GRB10: variants seen among roughly 807,000 people sequenced by gnomAD.
GRB10 encodes the protein growth factor receptor bound protein 10, also known as growth factor receptor-bound protein 10.
A neutral mutation model predicts 80.9 loss-of-function variants in GRB10; 20 were observed. The observed-to-expected ratio is 0.25, with a 90% confidence interval of 0.17 to 0.36. The LOEUF (loss-of-function observed/expected upper bound fraction) is 0.36. GRB10 is among the 10% of genes least tolerant of loss of function. The pLI, the probability that GRB10 is intolerant of heterozygous loss-of-function variation, is 1.00. For synonymous variants in GRB10, 291 were observed against 291.5 expected, an observed-to-expected ratio of 1.00 and a Z score of 0.02; for missense variants, 548 against 747.7, an observed-to-expected ratio of 0.73 and a Z score of 3.12.
intron 2 of GRB10, among the ~76,000 whole-genome samples, chr7:50,763,546 G>A (rs1026376716): frequency 3.3e-5 from 5 of 152,246 alleles, no homozygotes; most frequent in Non-Finnish European, 4.4e-5. Context: ...GCATACACAC[G>A]CGTGCATACA....
In GRB10 at chr7:50,790,932, C is replaced by T. The variant is rs73338620; in HGVS notation, c.-294+2292G>A. Among the ~76,000 whole-genome samples, 411 of 152,338 alleles carry T rather than the reference C, an allele frequency of 2.7e-3. 7 individuals carry two copies. The highest frequency in any genetic ancestry group is 9.5e-3 in the African/African-American group (395 of 41,580). The stretch of plus-strand genomic sequence containing the variant: ...CTAACTCTTCGAGTCTGACTCTGCT[C>T]TCTTCTCCTACTGGAGGCTGAGTAG... On this transcript the variant is annotated intron_variant, in intron 1 of 16. Transcript: ENST00000335866.
intron 7 of GRB10, among the ~76,000 whole-genome samples, chr7:50,642,188 C>A (rs907556753): frequency 3.3e-5 from 5 of 152,070 alleles, no homozygotes; most frequent in African/African-American, 1.2e-4. Flanking sequence ...AACTGCAGAG[C>A]ATGCAGCCAG....
chr7:50,723,109 C>CAA (rs1177514653), intron 4 of GRB10, among the ~76,000 whole-genome samples: 1 of 152,030 alleles, frequency 6.6e-6, no homozygotes, highest in Non-Finnish European at 1.5e-5. Flanking sequence ...TCTGAAGGGA[C>CAA]AAGTAAAGCA....
rs1370152123 is a variant in GRB10, at chr7:50,706,311, G to A, written c.52-2403C>T. ...TCTAGACTACTCTAGTAGACACTCT[G>A]TAGTTGTTTTCAACTTTCAGACAGC... On this transcript the variant is annotated intron_variant, in intron 4 of 18. Coordinates refer to ENST00000401949, the MANE Select transcript of GRB10 (RefSeq NM_001350814.2). Among the ~76,000 whole-genome samples the A allele has an allele frequency of 2.0e-5, 3 of 152,192 alleles. No individual in the cohort carries two copies. The East Asian group carries it at 5.8e-4, about 29-fold the overall frequency.
intron 4 of GRB10, among the ~76,000 whole-genome samples, chr7:50,722,809 C>T (rs2067976251): frequency 6.6e-6 from 1 of 152,096 alleles, no homozygotes; most frequent in Admixed American, 6.5e-5. Flanking sequence ...TCAGAAGCTG[C>T]CCTCAATGTC....
intron 9 of GRB10, among the ~76,000 whole-genome samples, chr7:50,618,433 C>CA: frequency 6.6e-6 from 1 of 152,336 alleles, no homozygotes; most frequent in South Asian, 2.1e-4. Flanking sequence ...CGTCCCAGCC[C>CA]AGTGGCACAA....
chr7:50,748,568 C>G (rs562700020), intron 3 of GRB10, among the ~76,000 whole-genome samples: 37 of 152,334 alleles, frequency 2.4e-4, no homozygotes, highest in African/African-American at 8.9e-4. Context: ...CTTTGTGGAA[C>G]ATTTATAATG....
intron 7 of GRB10, among the ~76,000 whole-genome samples, chr7:50,663,585 C>T (rs1169421522): frequency 6.6e-6 from 1 of 152,194 alleles, no homozygotes; most frequent in Non-Finnish European, 1.5e-5. Flanking sequence ...GCCAGCCACT[C>T]AGGAAAGGTC....
At position 50,592,632 on chromosome 7, in the gene GRB10, C is replaced by T. The variant is rs2045955606; in HGVS notation, c.*320G>A. ...TTATTCCAGGGCAAGAGTTCATTTC[C>T]AATCACTTCTCTCCGGTTCTTGTTC... is the stretch of plus-strand genomic sequence containing the variant. On this transcript the variant is annotated 3_prime_UTR_variant, in exon 19 of 19. Transcript: ENST00000401949. 2 of 408,992 alleles carry T rather than the reference C, an allele frequency of 4.9e-6. No homozygotes were observed. Among genetic ancestry groups the T allele is most frequent in the Non-Finnish European group, 9.1e-6 (2 of 220,470 alleles). The allele number at this position is 408,992 out of a possible 1,614,324, so 25.3% of individuals were successfully genotyped here. A position where few individuals can be genotyped will look rare whatever the true frequency, so the allele number is the denominator to read the frequency against.
At chr7:50,715,285 G>C (rs567516114) in intron 4 of GRB10, among the ~76,000 whole-genome samples, 9 of 151,800 alleles carry the variant, frequency 5.9e-5, no homozygotes, top group African/African-American at 2.2e-4. Context: ...GGCTGGGCTG[G>C]CAGGGCAAGA....
intron 18 of GRB10, among the ~76,000 whole-genome samples, chr7:50,595,063 C>T (rs560527587): frequency 6.6e-6 from 1 of 152,214 alleles, no homozygotes; most frequent in Non-Finnish European, 1.5e-5. Context: ...GCTAATTCTC[C>T]TCCACCTCCC....
At chr7:50,686,478 AT>A (rs2062115691) in intron 5 of GRB10, among the ~76,000 whole-genome samples, 1 of 152,202 alleles carries the variant, frequency 6.6e-6, no homozygotes, top group Admixed American at 6.5e-5. Flanking sequence ...TAAGATAATT[AT>A]TTTTGAGGTG....
chr7:50,783,077 G>A (rs557947653), upstream of GRB10, among the ~76,000 whole-genome samples: 47 of 152,336 alleles, frequency 3.1e-4, 1 homozygote, highest in Admixed American at 2.4e-3. Flanking sequence ...TGGCCACTCT[G>A]ACGATGCCGA....
chr7:50,599,630 C>T (rs986311980), intron 17 of GRB10, among the ~76,000 whole-genome samples: 1 of 152,188 alleles, frequency 6.6e-6, no homozygotes, highest in African/African-American at 2.4e-5. Context: ...GAGAGGAACA[C>T]CTGCTGAAGA....
intron 2 of GRB10, among the ~76,000 whole-genome samples, chr7:50,778,433 G>C (rs765302156): frequency 6.6e-6 from 1 of 152,304 alleles, no homozygotes; most frequent in East Asian, 1.9e-4. Context: ...TGATCAACTA[G>C]GGCAGGCACA....
chr7:50,601,679 A>C (rs1325740771), intron 17 of GRB10, among the ~76,000 whole-genome samples: 3 of 152,186 alleles, frequency 2.0e-5, no homozygotes, highest in Non-Finnish European at 4.4e-5. Context: ...AGGAAAAAAA[A>C]AACAACAAAA....
rs562709469 is a variant in GRB10 at position 50,627,128 on chromosome 7, G to A, written c.505-150C>T. 1.2e-4 allele frequency: 93 copies of A among 785,962 alleles called. 1 individual carries two copies. The East Asian group carries it at 2.3e-3, about 19-fold the overall frequency. 48.7% of individuals were successfully genotyped at this position (785,962 alleles called of 1,614,324 possible). A position where few individuals can be genotyped will look rare whatever the true frequency, so the allele number is the denominator to read the frequency against. ...CCAGGCAGCCAACAGGTCCCCACCA[G>A]CTGCAGGGATGTGACTCTTCCTCCC... On this transcript the variant is annotated intron_variant, in intron 7 of 18. Coordinates refer to ENST00000401949, the MANE Select transcript of GRB10 (RefSeq NM_001350814.2).
At chr7:50,639,960 A>T (rs985470077) in intron 7 of GRB10, among the ~76,000 whole-genome samples, 8 of 152,252 alleles carry the variant, frequency 5.3e-5, no homozygotes, top group East Asian at 1.9e-4. Flanking sequence ...AACCACTTTT[A>T]AAAAATCTCC....
At chr7:50,658,110 A>G (rs17546146) in intron 7 of GRB10, among the ~76,000 whole-genome samples, 1 of 152,134 alleles carries the variant, frequency 6.6e-6, no homozygotes, top group African/African-American at 2.4e-5. Flanking sequence ...ACTTTATCCT[A>G]AACTGGGTGG....
Sources: gnomAD v4.1 joint callset for allele counts (sites outside exome capture counted in the v4.1 genomes callset) on GRCh38, gnomAD v4.1.1 for gene constraint, MANE v1.5 for transcripts, NCBI Gene and HGNC (gene_info 2026-07-23, HGNC 2026-07-21) for gene names.